ANO2: variants seen among roughly 807,000 people sequenced by gnomAD.
ANO2 encodes the protein anoctamin 2.
In ANO2, 101 loss-of-function variants were observed where a neutral mutation model predicts 124.2. That is an observed-to-expected ratio of 0.81 (90% CI 0.69 to 0.96). The LOEUF is 0.96. Among genes scored for constraint, ANO2 ranks in the 40% least tolerant of loss-of-function variants. The probability of loss-of-function intolerance (pLI) is 0.00; values close to 1 mark genes in which losing one functional copy is unlikely to be tolerated. For missense variants in ANO2, 1,293 were observed against 1,274.5 expected, an observed-to-expected ratio of 1.01 and a Z score of -0.22; for synonymous variants, 486 against 482.5, an observed-to-expected ratio of 1.01 and a Z score of -0.09.
At chr12:5,630,221 G>A (rs1193687322) in intron 16 of ANO2, among the ~76,000 whole-genome samples, 1 of 152,212 alleles carries the variant, frequency 6.6e-6, no homozygotes. Flanking sequence ...ACTATCAAGA[G>A]ATCTGGGGCA....
intron 15 of ANO2, among the ~76,000 whole-genome samples, chr12:5,645,729 T>A (rs1382960618): frequency 3.3e-5 from 5 of 152,234 alleles, no homozygotes; most frequent in Non-Finnish European, 1.5e-5. Flanking sequence ...TTAGTTGTTT[T>A]TGACTGTGTT....
chr12:5,742,968 G>A (rs574228181), intron 12 of ANO2, among the ~76,000 whole-genome samples: 47 of 151,986 alleles, frequency 3.1e-4, no homozygotes, highest in African/African-American at 1.1e-3. Flanking sequence ...AACACTGCCC[G>A]TGTGCTCCCG....
At chr12:5,697,320 T>G (rs1414393106) in intron 14 of ANO2, among the ~76,000 whole-genome samples, 1 of 151,952 alleles carries the variant, frequency 6.6e-6, no homozygotes, top group Non-Finnish European at 1.5e-5. Flanking sequence ...TAGTCCCAGC[T>G]ACTCAGGAGG....
intron 14 of ANO2, among the ~76,000 whole-genome samples, chr12:5,651,331 G>T (rs1946905266): frequency 6.6e-6 from 1 of 152,196 alleles, no homozygotes; most frequent in African/African-American, 2.4e-5. Flanking sequence ...AAAGGCAATA[G>T]GTGAGAGTGC....
chr12:5,738,728 GA>G, intron 13 of ANO2, among the ~76,000 whole-genome samples: 1 of 152,264 alleles, frequency 6.6e-6, no homozygotes, highest in African/African-American at 2.4e-5. Flanking sequence ...CTAGTCCTCA[GA>G]AGAGCTATAA....
chr12:5,738,686 A>T (rs1463212596), intron 13 of ANO2, among the ~76,000 whole-genome samples: 1 of 152,164 alleles, frequency 6.6e-6, no homozygotes, highest in African/African-American at 2.4e-5. Context: ...CACACTGCCC[A>T]TCATCGGCTC....
intron 4 of ANO2, among the ~76,000 whole-genome samples, chr12:5,850,477 G>A (rs1449419216): frequency 6.6e-6 from 1 of 151,338 alleles, no homozygotes; most frequent in Non-Finnish European, 1.5e-5. Context: ...GTAAAAGGAA[G>A]CCAAAACAGT....
At chr12:5,572,861 T>C (rs1463212547) in intron 23 of ANO2, among the ~76,000 whole-genome samples, 1 of 152,196 alleles carries the variant, frequency 6.6e-6, no homozygotes, top group Non-Finnish European at 1.5e-5. Context: ...CAGATTTTTT[T>C]CTAAAACGGG....
Position 5,580,328 on chromosome 12 carries a change from TTTA to T in ANO2, c.2234-1813_2234-1811del, listed in dbSNP as rs151313040. On this transcript the variant is annotated intron_variant, in intron 20 of 24. Transcript: ENST00000682330. The stretch of plus-strand genomic sequence containing the variant: ...ATAAATGGTATCTTTTATGTGTAAT[TTTA>T]TTCTTATTGGAATAAATATCAACAT... 8.1e-3 allele frequency among the ~76,000 whole-genome samples: 1,231 copies of T among 152,330 alleles called. 15 individuals are homozygous for T. Among genetic ancestry groups the T allele is most frequent in the African/African-American group, 0.026 (1,090 of 41,564 alleles).
chr12:5,635,111 AAG>A lies in ANO2; in HGVS notation c.1816+39_1816+40del. The A allele has an allele frequency of 6.7e-7, 1 of 1,500,176 alleles. No homozygotes were observed. The highest frequency in any genetic ancestry group is 8.9e-7 in the Non-Finnish European group (1 of 1,127,186). 92.9% of individuals were successfully genotyped at this position (1,500,176 alleles called of 1,614,324 possible). On this transcript the variant is annotated intron_variant, in intron 16 of 24. Coordinates refer to ENST00000682330, the MANE Select transcript of ANO2 (RefSeq NM_001364791.2). This position sits in a 1 kb window ranked among gnomAD's most constrained non-coding sequence, Gnocchi z 5.2. ...CAAAAGCCTTGCACGCATTGACTTA[AAG>A]AGGGCCTAGGACAGCCAGAAGTCTC... is the stretch of plus-strand genomic sequence containing the variant.
intron 10 of ANO2, among the ~76,000 whole-genome samples, chr12:5,795,900 G>A (rs921429311): frequency 6.6e-6 from 1 of 152,126 alleles, no homozygotes; most frequent in Non-Finnish European, 1.5e-5. Flanking sequence ...AGGCAGAAAT[G>A]TCCTTCTCCA....
intron 14 of ANO2, among the ~76,000 whole-genome samples, chr12:5,727,470 T>C (rs1348585174): frequency 6.8e-6 from 1 of 147,944 alleles, no homozygotes; most frequent in Non-Finnish European, 1.5e-5. Flanking sequence ...AATGCAAGAA[T>C]GGCCTTAGAG....
intron 14 of ANO2, among the ~76,000 whole-genome samples, chr12:5,721,499 G>GT (rs531965246): frequency 0.13 from 17,161 of 133,450 alleles, 1,085 homozygotes; most frequent in African/African-American, 0.17. Context: ...TTGGTTTTGG[G>GT]TTTTTTTTTT....
At chr12:5,835,839 T>A (rs982602657) in intron 4 of ANO2, among the ~76,000 whole-genome samples, 2 of 152,194 alleles carry the variant, frequency 1.3e-5, no homozygotes, top group Admixed American at 1.3e-4. Context: ...CTCAGGTGTC[T>A]CTGGCCTGGA....
At chr12:5,682,332 T>C (rs901206891) in intron 14 of ANO2, among the ~76,000 whole-genome samples, 2 of 123,380 alleles carry the variant, frequency 1.6e-5, no homozygotes, top group African/African-American at 5.5e-5. Context: ...TCTCTCTCTT[T>C]CTCTTTCTCT....
At chr12:5,871,236 TCG>T (rs138959221) in intron 3 of ANO2, among the ~76,000 whole-genome samples, 5,386 of 152,222 alleles carry the variant, frequency 0.035, 324 homozygotes, top group African/African-American at 0.12. Context: ...AGGTTGTAAA[TCG>T]GACACATAGG....
intron 20 of ANO2, among the ~76,000 whole-genome samples, chr12:5,583,397 T>A (rs1218733752): frequency 6.6e-6 from 1 of 152,108 alleles, no homozygotes; most frequent in Non-Finnish European, 1.5e-5. Flanking sequence ...CTCACGCCTG[T>A]AATCCCAGCA....
At chr12:5,667,791 G>C (rs1490482002) in intron 14 of ANO2, among the ~76,000 whole-genome samples, 2 of 152,208 alleles carry the variant, frequency 1.3e-5, no homozygotes, top group Non-Finnish European at 2.9e-5. Context: ...TTATAAGTGA[G>C]AACATGCGGT....
intron 22 of ANO2, 36 bp from the exon 23 acceptor site, chr12:5,576,051 A>C: frequency 6.5e-7 from 1 of 1,550,298 alleles, no homozygotes; most frequent in Admixed American, 1.9e-5. Flanking sequence ...AGTAGCCAGG[A>C]TTGATGCTAA....
Sources: allele counts gnomAD v4.1 joint callset (sites outside exome capture counted in the v4.1 genomes callset), GRCh38; gene constraint gnomAD v4.1.1; non-coding constraint Gnocchi (gnomAD v3.1); transcripts MANE v1.5; gene names NCBI Gene and HGNC (gene_info 2026-07-23, HGNC 2026-07-21).